AMMECR1: variants seen among roughly 807,000 people sequenced by gnomAD.
AMMECR1 encodes nuclear protein AMMECR1.
Under a neutral mutation model 22.5 loss-of-function variants are expected in AMMECR1, and 3 were observed. The ratio of observed to expected loss-of-function variants is 0.13; its 90% CI spans 0.06 to 0.35. The LOEUF (loss-of-function observed/expected upper bound fraction) is 0.35. Ranked by LOEUF, AMMECR1 falls within the 10% of genes least tolerant of loss-of-function variation. The probability of loss-of-function intolerance (pLI) is 1.00; values close to 1 mark genes in which losing one functional copy is unlikely to be tolerated. For synonymous variants in AMMECR1, 130 were observed against 116.7 expected (o/e 1.11, Z -0.74); for missense variants, 235 against 278.7 (o/e 0.84, Z 1.12).
At chrX:110,431,323 C>CTG (rs759432836) in intron 1 of AMMECR1, among the ~76,000 whole-genome samples, 20,505 of 94,650 alleles carry the variant, frequency 0.22, 1,885 homozygotes, top group Non-Finnish European at 0.25. Context: ...GAGGGGAAGG[C>CTG]TGTGTGTGTG....
chrX:110,401,764 GC>G (rs2068566502), intron 2 of AMMECR1, among the ~76,000 whole-genome samples: 2 of 112,118 alleles, frequency 1.8e-5, no homozygotes, highest in Middle Eastern at 4.2e-3. Flanking sequence ...ATCTCAGTGA[GC>G]CTTCGTTTCC....
intron 3 of AMMECR1, among the ~76,000 whole-genome samples, chrX:110,206,862 A>C (rs1048808973): frequency 3.6e-5 from 4 of 112,227 alleles, no homozygotes; most frequent in Non-Finnish European, 7.5e-5. Context: ...ACTCATTTTC[A>C]GTGAGTTCAT....
intron 2 of AMMECR1, among the ~76,000 whole-genome samples, chrX:110,262,355 C>T (rs1406206392): frequency 1.8e-5 from 2 of 111,744 alleles, no homozygotes; most frequent in African/African-American, 6.5e-5. Flanking sequence ...CACACACACA[C>T]GCCTCTTTAA....
chrX:110,383,536 C>A (rs2068434772), intron 2 of AMMECR1, among the ~76,000 whole-genome samples: 1 of 111,291 alleles, frequency 9.0e-6, no homozygotes, highest in African/African-American at 3.3e-5. Context: ...CTGCTTCTCC[C>A]CACCCCTTCA....
At chrX:110,234,566 C>G (rs2067589650) in intron 2 of AMMECR1, among the ~76,000 whole-genome samples, 1 of 111,973 alleles carries the variant, frequency 8.9e-6, no homozygotes, top group African/African-American at 3.3e-5. Flanking sequence ...ATCACACTTC[C>G]TGACTTCAAA....
chrX:110,386,047 T>C (rs1378346228), intron 2 of AMMECR1, among the ~76,000 whole-genome samples: 1 of 112,255 alleles, frequency 8.9e-6, no homozygotes, highest in African/African-American at 3.2e-5. Context: ...ACATTTTGGA[T>C]TGTTTCTATC....
At chrX:110,359,053 T>C (rs1185088365) in intron 2 of AMMECR1, 1 of 111,935 alleles carries the variant, frequency 8.9e-6, no homozygotes, top group African/African-American at 3.2e-5. Flanking sequence ...GAAATAGGCA[T>C]TATTATTGCC....
At chrX:110,395,927 C>A (rs1331898820) in intron 2 of AMMECR1, among the ~76,000 whole-genome samples, 1 of 111,806 alleles carries the variant, frequency 8.9e-6, no homozygotes, top group Non-Finnish European at 1.9e-5. Flanking sequence ...GTGGTTCTTG[C>A]CTCCAGGGCT....
chrX:110,437,065 C>T lies in AMMECR1; in HGVS notation c.-294+2825G>A, dbSNP rs1367825083. Among the ~76,000 whole-genome samples, 5 of 112,093 alleles carry T rather than the reference C, an allele frequency of 4.5e-5. No homozygotes were observed. In the East Asian group the frequency reaches 1.1e-3, roughly 25 times the overall value. On this transcript the variant is annotated intron_variant, in intron 1 of 7. Coordinates refer to the AMMECR1 transcript ENST00000372057. ...GGGGAAAGCCAAGGAAGTGATTTCA[C>T]GAATCTTTAGCAGTGAATCCACCTA...
rs776217015 is a variant in AMMECR1, at chrX:110,420,323, C to T, written c.-148+6335G>A. ...CTGGAATAGCTAACCAAGGAATATTCGTTGAATGAGCAAATGAGTGAGGGA... is the reference window on the plus strand; with the variant it reads ...CTGGAATAGCTAACCAAGGAATATTTGTTGAATGAGCAAATGAGTGAGGGA... On this transcript the variant is annotated intron_variant, in intron 2 of 7. Coordinates refer to the AMMECR1 transcript ENST00000372057. Among the ~76,000 whole-genome samples the T allele has an allele frequency of 8.4e-4, 94 of 112,157 alleles. 2 individuals carry two copies. The highest frequency in any genetic ancestry group is 2.5e-3 in the Admixed American group (26 of 10,587).
chrX:110,230,824 G>A (rs1421067326), intron 2 of AMMECR1, among the ~76,000 whole-genome samples: 4 of 111,834 alleles, frequency 3.6e-5, no homozygotes, highest in African/African-American at 6.5e-5. Flanking sequence ...AAACAGTGTA[G>A]AGAAGACCTT....
intron 2 of AMMECR1, among the ~76,000 whole-genome samples, chrX:110,373,353 C>A (rs1267710591): frequency 8.9e-6 from 1 of 111,771 alleles, no homozygotes; most frequent in Non-Finnish European, 1.9e-5. Context: ...ATTCACAGTA[C>A]CCACATAATG....
intron 2 of AMMECR1, among the ~76,000 whole-genome samples, chrX:110,333,744 G>T: frequency 9.1e-6 from 1 of 109,500 alleles, no homozygotes; most frequent in Non-Finnish European, 1.9e-5. Context: ...AGCACTACAT[G>T]TTCTCACTCA....
chrX:110,214,903 C>T (rs181219581), intron 3 of AMMECR1, among the ~76,000 whole-genome samples: 6 of 111,192 alleles, frequency 5.4e-5, no homozygotes, highest in African/African-American at 1.3e-4. Flanking sequence ...AATCTGGCTG[C>T]GGAAGAGGAA....
At chrX:110,362,055 T>C (rs1225862555) in intron 2 of AMMECR1, among the ~76,000 whole-genome samples, 1 of 111,876 alleles carries the variant, frequency 8.9e-6, no homozygotes, top group Non-Finnish European at 1.9e-5. Context: ...CTCCAACATC[T>C]AGAATAGTAC....
At chrX:110,422,845 C>T (rs773142771) in intron 2 of AMMECR1, among the ~76,000 whole-genome samples, 46 of 112,166 alleles carry the variant, frequency 4.1e-4, no homozygotes, top group African/African-American at 1.4e-3. Context: ...GTTGCCTTGG[C>T]GAACAGCCAA....
intron 2 of AMMECR1, among the ~76,000 whole-genome samples, chrX:110,323,275 C>G (rs964068527): frequency 8.9e-6 from 1 of 111,780 alleles, no homozygotes; most frequent in Non-Finnish European, 1.9e-5. Flanking sequence ...TACCATCCAC[C>G]CATTTAAATT....
chrX:110,213,983 G>T (rs2067460083), intron 3 of AMMECR1, among the ~76,000 whole-genome samples: 1 of 110,980 alleles, frequency 9.0e-6, no homozygotes. Context: ...AAAAATGGGG[G>T]CCAGGCACGG....
chrX:110,306,261 T>C (rs1277982171), intron 1 of AMMECR1, among the ~76,000 whole-genome samples: 1 of 109,989 alleles, frequency 9.1e-6, no homozygotes, highest in African/African-American at 3.3e-5. Flanking sequence ...GCCACTGCAC[T>C]CCAGCCTGGC....
Sources: gnomAD v4.1 joint callset for allele counts (sites outside exome capture counted in the v4.1 genomes callset) on GRCh38, gnomAD v4.1.1 for gene constraint, MANE v1.5 for transcripts, NCBI Gene and HGNC (gene_info 2026-07-23, HGNC 2026-07-21) for gene names.